Variants in ACAD10 observed in about 807,000 individuals in gnomAD.
The protein encoded by ACAD10 is ACAD-10.
In ACAD10, 112 loss-of-function variants were observed where a neutral mutation model predicts 116.8. That is an observed-to-expected ratio of 0.96 (90% CI 0.82 to 1.12). The LOEUF (loss-of-function observed/expected upper bound fraction) is 1.12, where lower values mean the gene tolerates loss of function less well. Among genes scored for constraint, ACAD10 ranks in the 50% most tolerant of loss-of-function variants. ACAD10 has a pLI of 0.00. For missense variants in ACAD10, 1,259 were observed against 1,350.2 expected (o/e 0.93, Z 1.06); for synonymous variants, 486 against 510.6 (o/e 0.95, Z 0.65).
intron 3 of ACAD10, among the ~76,000 whole-genome samples, chr12:111,702,737 AT>A (rs1477264683): frequency 6.6e-6 from 1 of 152,152 alleles, no homozygotes; most frequent in East Asian, 1.9e-4. Flanking sequence ...CTCAAAAAAA[AT>A]AATAATAAAG....
intron 14 of ACAD10, among the ~76,000 whole-genome samples, 186 bp from the exon 15 acceptor site, chr12:111,746,863 T>C (rs977963314): frequency 6.6e-6 from 1 of 152,144 alleles, no homozygotes; most frequent in African/African-American, 2.4e-5. Flanking sequence ...TCGGGTGTGA[T>C]GGTGCATACC....
intron 11 of ACAD10, among the ~76,000 whole-genome samples, 196 bp from the exon 12 acceptor site, chr12:111,736,635 T>G (rs2135981380): frequency 6.6e-6 from 1 of 152,310 alleles, no homozygotes; most frequent in East Asian, 1.9e-4. Context: ...AGAGCCAATT[T>G]GTGAATAATG....
chr12:111,724,942 C>T (rs1690965305), intron 8 of ACAD10, among the ~76,000 whole-genome samples: 1 of 151,854 alleles, frequency 6.6e-6, no homozygotes, highest in South Asian at 2.1e-4. Flanking sequence ...TTTTAAACAG[C>T]TTTGTAACAT....
At position 111,729,869 on chromosome 12, in the gene ACAD10, C is replaced by T; in HGVS notation, c.1307C>T (p.Thr436Ile). Residue 436 changes from threonine (T) to isoleucine (I), a missense_variant, in exon 10 of 21, where the codon ACC (threonine) becomes ATC (isoleucine). By Grantham distance (89) the Thr-to-Ile change is moderately conservative (BLOSUM62 -1). Transcript: ENST00000313698. Reference sequence around the variant, plus strand: ...CAGTATCGAGCTTCCGAAACTAGCACCATCCCAGCCATGGAGAGGCTGATC... The same window carrying T: ...CAGTATCGAGCTTCCGAAACTAGCATCATCCCAGCCATGGAGAGGCTGATC... Reference protein sequence around the residue: ...VKQYRASETSTIPAMERLIEW... With the variant: ...VKQYRASETSIIPAMERLIEW... 6.2e-7 allele frequency: 1 copy of T among 1,614,146 alleles called. No homozygotes were observed. Among genetic ancestry groups the T allele is most frequent in the Non-Finnish European group, 8.5e-7 (1 of 1,180,042 alleles).
chr12:111,749,020 T>A (rs1453125259), intron 17 of ACAD10, 153 bp from the exon 18 acceptor site: 2 of 1,612,890 alleles, frequency 1.2e-6, no homozygotes. Context: ...GGCTGTTTCC[T>A]GCCGTCCTTT....
At chr12:111,747,253 C>T (rs370023757) in intron 15 of ACAD10, 42 bp from the exon 16 acceptor site, 1 of 1,613,420 alleles carries the variant, frequency 6.2e-7, no homozygotes, top group Non-Finnish European at 8.5e-7. Flanking sequence ...GGAACACGGG[C>T]TGTCTGCTGG....
At position 111,741,994 on chromosome 12, in the gene ACAD10, T is replaced by A. The variant is rs991323914; in HGVS notation, c.1715-2649T>A. Among the ~76,000 whole-genome samples, 4 of 152,336 alleles carry A rather than the reference T, an allele frequency of 2.6e-5. No homozygotes were observed. The South Asian group carries it at 8.3e-4, about 32-fold the overall frequency. On this transcript the variant is annotated intron_variant, in intron 12 of 20. Coordinates refer to ENST00000313698, the MANE Select transcript of ACAD10 (RefSeq NM_025247.6). Reference sequence around the variant, plus strand: ...AGTATGTACCTGCCCAGCCCATGTGTCCTTCTCCTTCCTTAATAAGTGGGT... The same window carrying A: ...AGTATGTACCTGCCCAGCCCATGTGACCTTCTCCTTCCTTAATAAGTGGGT...
intron 8 of ACAD10, among the ~76,000 whole-genome samples, chr12:111,727,403 A>C (rs1428546912): frequency 6.6e-6 from 1 of 151,880 alleles, no homozygotes; most frequent in African/African-American, 2.4e-5. Flanking sequence ...GGGTGCCTGT[A>C]GTCCCAGCTA....
At chr12:111,706,272 A>G (rs1888502119) in intron 4 of ACAD10, among the ~76,000 whole-genome samples, 1 of 151,996 alleles carries the variant, frequency 6.6e-6, no homozygotes, top group South Asian at 2.1e-4. Flanking sequence ...GTTGCCTTCT[A>G]TTTCTGTGAC....
At position 111,753,903 on chromosome 12, in the gene ACAD10, G is replaced by T; in HGVS notation, c.2949G>T (p.Leu983=). The T allele has an allele frequency of 6.2e-7, 1 of 1,606,272 alleles. No homozygotes were observed. ...LVLRAAHLMD[L]AGNKAAALDI... ...TGAGAGCTGCCCACCTCATGGACCT[G>T]GCAGGAAACAAGGTAGGGGCAGGGG... Residue 983 remains leucine, a synonymous_variant, in exon 19 of 21, where the codon CTG becomes CTT. Coordinates refer to ENST00000313698, the MANE Select transcript of ACAD10 (RefSeq NM_025247.6).
chr12:111,756,102 G>A, intron 20 of ACAD10: 1 of 1,397,808 alleles, frequency 7.2e-7, no homozygotes, highest in African/African-American at 1.4e-5. Flanking sequence ...CCCGGCCCCA[G>A]CACAGGGCAG....
chr12:111,738,354 G>C (rs372152349), intron 12 of ACAD10, among the ~76,000 whole-genome samples: 1 of 151,034 alleles, frequency 6.6e-6, no homozygotes, highest in African/African-American at 2.4e-5. Context: ...ACTGAGGCAG[G>C]AGACTCACTT....
chr12:111,747,265 G>A (rs565483856), intron 15 of ACAD10, 30 bp from the exon 16 acceptor site: 30 of 1,613,856 alleles, frequency 1.9e-5, no homozygotes, highest in Middle Eastern at 3.3e-4. Flanking sequence ...GTCTGCTGGC[G>A]TCTCTGACTG....
At chr12:111,700,220 C>G (rs186517352) in intron 2 of ACAD10, among the ~76,000 whole-genome samples, 1 of 151,464 alleles carries the variant, frequency 6.6e-6, no homozygotes, top group Admixed American at 6.6e-5. Context: ...GATTTGGCCC[C>G]AAGCCATATT....
rs913098238 is a variant in ACAD10, at chr12:111,717,338, C to T, written c.992+1376C>T. Among the ~76,000 whole-genome samples the T allele has an allele frequency of 3.1e-4, 45 of 145,228 alleles. 1 individual carries two copies. The highest frequency in any genetic ancestry group is 7.8e-5 in the African/African-American group (3 of 38,612). On this transcript the variant is annotated intron_variant, in intron 7 of 20. Coordinates refer to ENST00000313698, the MANE Select transcript of ACAD10 (RefSeq NM_025247.6). ...GTACCGCTGCACTCACAAAGTGAGACCCTGTCTCAAAAAAAAAAAAAAAAA... is the reference window on the plus strand; with the variant it reads ...GTACCGCTGCACTCACAAAGTGAGATCCTGTCTCAAAAAAAAAAAAAAAAA...
chr12:111,720,689 G>A (rs76245526), intron 7 of ACAD10, among the ~76,000 whole-genome samples: 2,343 of 151,842 alleles, frequency 0.015, 70 homozygotes, highest in African/African-American at 0.053. Flanking sequence ...TATATTCAGC[G>A]CATATCTCTT....
intron 6 of ACAD10, among the ~76,000 whole-genome samples, chr12:111,712,872 T>C (rs1203135128): frequency 6.6e-6 from 1 of 152,174 alleles, no homozygotes; most frequent in Admixed American, 6.5e-5. Context: ...AGTGTACCTA[T>C]CCCACTCTTA....
intron 1 of ACAD10, among the ~76,000 whole-genome samples, chr12:111,687,714 G>A (rs1887913854): frequency 2.0e-5 from 3 of 152,168 alleles, no homozygotes; most frequent in Admixed American, 6.5e-5. Context: ...TTATGAAACT[G>A]GTACTATGTC....
In ACAD10 at chr12:111,712,674, C is replaced by T; in HGVS notation, c.850+17C>T. 6.2e-7 allele frequency: 1 copy of T among 1,611,776 alleles called. No homozygotes were observed. The highest frequency in any genetic ancestry group is 8.5e-7 in the Non-Finnish European group (1 of 1,179,006). On this transcript the variant is annotated intron_variant, in intron 6 of 20. Coordinates refer to ENST00000313698, the MANE Select transcript of ACAD10 (RefSeq NM_025247.6). Reference sequence around the variant, plus strand: ...AGACCACAGGTATGTGGGCTTCTTTCATGTTTTGGTAGCTCTCTCCAAGGC... The same window carrying T: ...AGACCACAGGTATGTGGGCTTCTTTTATGTTTTGGTAGCTCTCTCCAAGGC...
Sources: allele counts gnomAD v4.1 joint callset (sites outside exome capture counted in the v4.1 genomes callset), GRCh38; gene constraint gnomAD v4.1.1; transcripts MANE v1.5; gene names NCBI Gene and HGNC (gene_info 2026-07-23, HGNC 2026-07-21).